Variants in RINT1 observed in about 807,000 individuals in gnomAD.
RINT1 encodes RAD50 interactor 1.
Under a neutral mutation model 97.7 loss-of-function variants are expected in RINT1, and 75 were observed. That is an observed-to-expected ratio of 0.77 (90% CI 0.64 to 0.93). RINT1 has a LOEUF of 0.93. Among genes scored for constraint, RINT1 ranks in the 40% least tolerant of loss-of-function variants. The pLI is 0.00. For missense variants in RINT1, 892 were observed against 925.2 expected, an observed-to-expected ratio of 0.96 and a Z score of 0.47; for synonymous variants, 303 against 326.3, an observed-to-expected ratio of 0.93 and a Z score of 0.77.
intron 11 of RINT1, among the ~76,000 whole-genome samples, chr7:105,561,813 C>T (rs1466586306): frequency 1.3e-5 from 2 of 152,038 alleles, no homozygotes; most frequent in African/African-American, 2.4e-5. Flanking sequence ...CCACCTGCGT[C>T]AGCCTCCCAA....
chr7:105,555,423 A>T (rs1356238409), intron 11 of RINT1, 196 bp downstream of exon 11: 1 of 439,364 alleles, frequency 2.3e-6, no homozygotes, highest in Non-Finnish European at 4.0e-6. Flanking sequence ...CTGATATTTT[A>T]ATGTATTTAA....
chr7:105,551,443 A>G (rs1171503816), intron 9 of RINT1, 127 bp from the exon 10 acceptor site: 15 of 748,458 alleles, frequency 2.0e-5, no homozygotes, highest in Middle Eastern at 3.5e-4. Flanking sequence ...ATTTAGTACA[A>G]CCAGTGGGAT....
At chr7:105,553,142 A>G (rs865918554) in intron 10 of RINT1, among the ~76,000 whole-genome samples, 3 of 152,238 alleles carry the variant, frequency 2.0e-5, no homozygotes, top group South Asian at 2.1e-4. Context: ...TAAAGCAATT[A>G]TCACTTTTCT....
intron 10 of RINT1, among the ~76,000 whole-genome samples, chr7:105,553,676 G>A (rs1791036642): frequency 1.4e-5 from 2 of 141,118 alleles, no homozygotes; most frequent in Non-Finnish European, 3.1e-5. Context: ...GCCTCCCAAA[G>A]TGCTGGGATT....
rs139459919 is a variant in RINT1 at position 105,565,375 on chromosome 7, T to C, written c.1985T>C (p.Leu662Ser). The change falls in exon 13 of 15, where the codon TTG (leucine) becomes TCG (serine). Residue 662 changes from leucine to serine, a missense_variant. Physicochemically the swap from Leu to Ser is moderately radical, Grantham distance 145. Transcript: ENST00000257700. Reference protein sequence around the residue: ...LLTLRDHLLQLEQQLCFSLFK... With the variant: ...LLTLRDHLLQSEQQLCFSLFK... ...ACGTTACGAGACCATTTACTTCAGT[T>C]GGAGCAGCAGCTTTGTTTCTCCTTA... 139 of 1,614,102 alleles carry C rather than the reference T, an allele frequency of 8.6e-5. No individual in the cohort carries two copies. Among genetic ancestry groups the C allele is most frequent in the Non-Finnish European group, 1.6e-5 (19 of 1,180,048 alleles).
intron 6 of RINT1, 57 bp from the exon 7 acceptor site, chr7:105,548,477 TTGTGTGTGTATACATACATA>T (rs2133392843): frequency 7.3e-7 from 1 of 1,369,490 alleles, no homozygotes; most frequent in Non-Finnish European, 1.0e-6. Context: ...GAAAAATTTA[TTGTGTGTGTATACATACATA>T]TGTGTGTGTA....
At chr7:105,546,885 A>C in intron 4 of RINT1, 25 bp from the exon 5 acceptor site, 2 of 1,561,738 alleles carry the variant, frequency 1.3e-6, no homozygotes, top group Non-Finnish European at 1.7e-6. Context: ...AAAAGAAAAA[A>C]AAATTTGCTT....
chr7:105,539,521 C>G (rs533831538), intron 3 of RINT1, among the ~76,000 whole-genome samples: 3 of 152,100 alleles, frequency 2.0e-5, no homozygotes, highest in African/African-American at 7.2e-5. Flanking sequence ...CCACCACGCT[C>G]GGCTAATTTT....
intron 4 of RINT1, among the ~76,000 whole-genome samples, chr7:105,545,367 G>A (rs965572761): frequency 2.3e-4 from 34 of 150,556 alleles, no homozygotes; most frequent in African/African-American, 8.1e-4. Context: ...TAGGAGGATC[G>A]CTTGAGCCCC....
chr7:105,534,568 A>G (rs1319652714), intron 2 of RINT1, among the ~76,000 whole-genome samples: 1 of 149,428 alleles, frequency 6.7e-6, no homozygotes, highest in African/African-American at 2.4e-5. Context: ...ATATAATTAT[A>G]TAGTATAATT....
In RINT1 at chr7:105,555,083, G is replaced by A; in HGVS notation, c.1527G>A (p.Gln509=). Reference sequence around the variant, plus strand: ...GAAAGCTTCAGTTCCTGGAGTTACAGAAGGACTTAGTAGATGATTTTAGGA... The same window carrying A: ...GAAAGCTTCAGTTCCTGGAGTTACAAAAGGACTTAGTAGATGATTTTAGGA... The part of the protein sequence containing the change: ...ASRKLQFLEL[Q]KDLVDDFRIR... Residue 509 remains glutamine (Q), a synonymous_variant, in exon 11 of 15, where the codon CAG becomes CAA. Transcript: ENST00000257700. The A allele has an allele frequency of 6.2e-7, 1 of 1,614,022 alleles. No individual in the cohort carries two copies. Among genetic ancestry groups the A allele is most frequent in the Middle Eastern group, 1.6e-4 (1 of 6,062 alleles).
intron 2 of RINT1, chr7:105,535,497 A>G: frequency 2.3e-6 from 1 of 428,606 alleles, no homozygotes; most frequent in South Asian, 1.7e-5. Flanking sequence ...CAAAGTGCTG[A>G]GATTACAGGC....
intron 14 of RINT1, 47 bp from the exon 15 acceptor site, chr7:105,567,072 T>G: frequency 8.5e-7 from 1 of 1,182,172 alleles, no homozygotes; most frequent in Non-Finnish European, 1.2e-6. Flanking sequence ...ATATAATTGA[T>G]GCAGATAATG....
intron 7 of RINT1, among the ~76,000 whole-genome samples, chr7:105,549,124 A>T (rs1478729166): frequency 6.6e-6 from 1 of 151,424 alleles, no homozygotes; most frequent in African/African-American, 2.4e-5. Flanking sequence ...AGTAGCTGGG[A>T]CTACAGGCAC....
chr7:105,567,177 G>A lies in RINT1; in HGVS notation c.2245G>A (p.Asp749Asn). The change falls in exon 15 of 15, where the codon GAT (aspartate) becomes AAT (asparagine). Residue 749 changes from aspartate to asparagine, a missense_variant. Coordinates refer to ENST00000257700, the MANE Select transcript of RINT1 (RefSeq NM_021930.6). ...CGTCGGTTCTGCACTACTGCTGAAA[G>A]ATGTACTGCAGTCAGCTTCAGGGCA... ...LNVGSALLLK[D>N]VLQSASGQLP... is the part of the protein sequence containing the mutation. 1 of 1,607,842 alleles carries A rather than the reference G, an allele frequency of 6.2e-7. No individual in the cohort carries two copies. Among genetic ancestry groups the A allele is most frequent in the Non-Finnish European group, 8.5e-7 (1 of 1,178,412 alleles).
intron 7 of RINT1, 23 bp downstream of exon 7, chr7:105,548,733 C>A: frequency 1.3e-6 from 2 of 1,580,468 alleles, no homozygotes; most frequent in Admixed American, 1.9e-5. Context: ...AGCTCTTGTC[C>A]TTGGTTTTTA....
intron 11 of RINT1, among the ~76,000 whole-genome samples, chr7:105,561,421 G>A (rs765392336): frequency 8.6e-5 from 13 of 151,930 alleles, no homozygotes; most frequent in African/African-American, 2.9e-4. Flanking sequence ...CCAGCTACTC[G>A]GGAGGCTGAC....
intron 10 of RINT1, among the ~76,000 whole-genome samples, chr7:105,554,118 T>C (rs1049163387): frequency 3.3e-4 from 50 of 151,666 alleles, no homozygotes; most frequent in African/African-American, 1.2e-3. Flanking sequence ...CAGGATGGTA[T>C]TGATCTTCTG....
Position 105,536,573 on chromosome 7 carries a change from A to C in RINT1, c.97A>C (p.Asn33His), listed in dbSNP as rs2133357802. 1 of 1,588,842 alleles carries C rather than the reference A, an allele frequency of 6.3e-7. No individual in the cohort carries two copies. The highest frequency in any genetic ancestry group is 2.2e-5 in the East Asian group (1 of 44,612). Residue 33 changes from asparagine (N) to histidine (H), a missense_variant, in exon 3 of 15, where the codon AAT becomes CAT. Coordinates refer to ENST00000257700, the MANE Select transcript of RINT1 (RefSeq NM_021930.6). ...TTATTCTTTTGTTGTAGGTGACATA[A>C]ATGTTACAGTTCTTATTGGAAGTAA... Reference protein sequence around the residue: ...RKNLEEKSDINVTVLIGSKQV... With the variant: ...RKNLEEKSDIHVTVLIGSKQV...
Sources: gnomAD v4.1 joint callset for allele counts (sites outside exome capture counted in the v4.1 genomes callset) on GRCh38, gnomAD v4.1.1 for gene constraint, MANE v1.5 for transcripts, NCBI Gene and HGNC (gene_info 2026-07-23, HGNC 2026-07-21) for gene names.